The following ANKS1B variants were observed in gnomAD, a reference collection of about 807,000 sequenced individuals.
ANKS1B encodes ankyrin repeat and sterile alpha motif domain containing 1B.
Under a neutral mutation model 148.3 loss-of-function variants are expected in ANKS1B, and 36 were observed. The observed-to-expected ratio is 0.24, with a 90% CI of 0.19 to 0.32. ANKS1B has a LOEUF of 0.32. Among genes scored for constraint, ANKS1B ranks in the 10% least tolerant of loss-of-function variants. The pLI is 1.00. For missense variants in ANKS1B, 1,157 were observed against 1,542.6 expected (o/e 0.75, Z 4.19); for synonymous variants, 542 against 560.8 (o/e 0.97, Z 0.47).
In ANKS1B at chr12:99,142,219, TA is replaced by T. The variant is rs1228925765; in HGVS notation, c.2526+12069del. 7.9e-3 allele frequency among the ~76,000 whole-genome samples: 1,070 copies of T among 135,356 alleles called. 1 individual carries two copies. The highest frequency in any genetic ancestry group is 0.01 in the Non-Finnish European group (638 of 61,874). The allele number at this position is 135,356 out of a possible 152,430, so 88.8% of individuals were successfully genotyped here. The stretch of plus-strand genomic sequence containing the variant: ...AAGTCAAGGACAAAAAGAGTTGTCA[TA>T]AAAAAAAAAAAGTGGTCAGAATCAA... On this transcript the variant is annotated intron_variant, in intron 15 of 26. Coordinates refer to ENST00000683438, the MANE Select transcript of ANKS1B (RefSeq NM_001352186.2).
At chr12:99,268,886 G>T (rs946425783) in intron 12 of ANKS1B, among the ~76,000 whole-genome samples, 2 of 152,152 alleles carry the variant, frequency 1.3e-5, no homozygotes, top group Non-Finnish European at 2.9e-5. Flanking sequence ...ATTAGGGAAC[G>T]CCATTTGAGA....
chr12:98,741,797 C>T (rs760354153), downstream of ANKS1B, among the ~76,000 whole-genome samples: 2 of 152,180 alleles, frequency 1.3e-5, no homozygotes, highest in Admixed American at 6.5e-5. Context: ...GAGAGAAATC[C>T]GCCTCTCAAA....
intron 14 of ANKS1B, among the ~76,000 whole-genome samples, chr12:99,212,080 T>C (rs935001115): frequency 2.0e-5 from 3 of 152,206 alleles, no homozygotes; most frequent in African/African-American, 7.2e-5. Context: ...TTCTGCATAC[T>C]GATTTTGTCT....
intron 10 of ANKS1B, among the ~76,000 whole-genome samples, chr12:99,465,589 T>C (rs2096089130): frequency 6.6e-6 from 1 of 151,790 alleles, no homozygotes; most frequent in Non-Finnish European, 1.5e-5. Context: ...AATAAAAGGA[T>C]GGAGGAAGAT....
At chr12:99,268,639 A>G (rs555803770) in intron 12 of ANKS1B, among the ~76,000 whole-genome samples, 1 of 152,372 alleles carries the variant, frequency 6.6e-6, no homozygotes, top group East Asian at 1.9e-4. Context: ...CCCCAACTCC[A>G]ACACATACAC....
chr12:99,490,356 C>T (rs141298047), intron 10 of ANKS1B, among the ~76,000 whole-genome samples: 2 of 152,288 alleles, frequency 1.3e-5, no homozygotes, highest in Non-Finnish European at 2.9e-5. Flanking sequence ...CAAACTATTC[C>T]CCTATTCTGT....
chr12:98,857,189 C>G (rs1338299873), intron 17 of ANKS1B, among the ~76,000 whole-genome samples: 1 of 152,132 alleles, frequency 6.6e-6, no homozygotes, highest in Non-Finnish European at 1.5e-5. Flanking sequence ...CTAAGAAGAC[C>G]AAAGACATTT....
intron 8 of ANKS1B, among the ~76,000 whole-genome samples, chr12:99,700,909 T>A (rs1007452668): frequency 7.9e-5 from 12 of 152,178 alleles, no homozygotes; most frequent in African/African-American, 2.9e-4. Context: ...TACAGAGCAG[T>A]CTTCCAATCC....
chr12:99,072,375 A>T (rs2046546905), intron 16 of ANKS1B, among the ~76,000 whole-genome samples: 1 of 152,120 alleles, frequency 6.6e-6, no homozygotes, highest in Admixed American at 6.5e-5. Context: ...TATATCTCAC[A>T]ATGACCTAAT....
intron 2 of ANKS1B, among the ~76,000 whole-genome samples, chr12:99,818,773 T>G (rs1214232118): frequency 6.6e-6 from 1 of 151,884 alleles, no homozygotes; most frequent in African/African-American, 2.4e-5. Flanking sequence ...AGCTAATACA[T>G]GTAAGTTCAG....
intron 17 of ANKS1B, among the ~76,000 whole-genome samples, chr12:98,906,010 T>C (rs2099778537): frequency 6.6e-6 from 1 of 152,180 alleles, no homozygotes; most frequent in South Asian, 2.1e-4. Flanking sequence ...TCCCTTAGAA[T>C]GGAAATGACT....
intron 14 of ANKS1B, among the ~76,000 whole-genome samples, chr12:99,159,816 C>T (rs2153829113): frequency 6.6e-6 from 1 of 152,306 alleles, no homozygotes; most frequent in East Asian, 1.9e-4. Flanking sequence ...CTGCTTTCCA[C>T]AGAGTCTGAA....
intron 17 of ANKS1B, among the ~76,000 whole-genome samples, chr12:99,050,222 T>C (rs1364688287): frequency 1.3e-5 from 2 of 152,214 alleles, no homozygotes; most frequent in African/African-American, 2.4e-5. Context: ...TAATTCAAAA[T>C]CTTTGTAAGC....
intron 14 of ANKS1B, among the ~76,000 whole-genome samples, chr12:99,173,410 A>C (rs1440429556): frequency 6.6e-6 from 1 of 152,136 alleles, no homozygotes; most frequent in Non-Finnish European, 1.5e-5. Flanking sequence ...CTTTGGGTAA[A>C]GTGGGATAAA....
intron 17 of ANKS1B, among the ~76,000 whole-genome samples, chr12:98,877,715 C>T (rs1223732306): frequency 6.6e-6 from 1 of 152,174 alleles, no homozygotes; most frequent in East Asian, 1.9e-4. Flanking sequence ...AAGTATACTT[C>T]AATAATTGTC....
At chr12:99,441,173 C>A (rs1044610346) in intron 11 of ANKS1B, among the ~76,000 whole-genome samples, 1 of 151,914 alleles carries the variant, frequency 6.6e-6, no homozygotes, top group South Asian at 2.1e-4. Context: ...CCAGAATTAA[C>A]AAATATGTTA....
At chr12:99,290,636 G>A (rs2079834466) in intron 12 of ANKS1B, among the ~76,000 whole-genome samples, 3 of 151,936 alleles carry the variant, frequency 2.0e-5, no homozygotes, top group Admixed American at 1.3e-4. Flanking sequence ...ATCAATTAAT[G>A]TGATATATCA....
At chr12:99,423,021 G>C (rs1004904851) in intron 11 of ANKS1B, among the ~76,000 whole-genome samples, 3 of 152,142 alleles carry the variant, frequency 2.0e-5, no homozygotes, top group Non-Finnish European at 4.4e-5. Context: ...GTAATTCCTT[G>C]TTGATGACTT....
intron 9 of ANKS1B, among the ~76,000 whole-genome samples, chr12:99,512,949 G>C (rs982983308): frequency 6.6e-6 from 1 of 151,852 alleles, no homozygotes; most frequent in African/African-American, 2.4e-5. Context: ...TAGATGCTAG[G>C]CTTAATACCT....
Sources: gnomAD v4.1 joint callset for allele counts (sites outside exome capture counted in the v4.1 genomes callset) on GRCh38, gnomAD v4.1.1 for gene constraint, MANE v1.5 for transcripts, NCBI Gene and HGNC (gene_info 2026-07-23, HGNC 2026-07-21) for gene names.